MEAF6: variants seen among roughly 807,000 people sequenced by gnomAD.
MEAF6 encodes the protein MYST/Esa1 associated factor 6, also known as chromatin modification-related protein MEAF6.
Under a neutral mutation model 28.9 loss-of-function variants are expected in MEAF6, and 15 were observed. That is an observed-to-expected ratio of 0.52 (90% CI 0.35 to 0.80). MEAF6 has a LOEUF of 0.80. MEAF6 is among the 30% of genes least tolerant of loss of function. The probability of loss-of-function intolerance (pLI) is 0.01; values close to 1 mark genes in which losing one functional copy is unlikely to be tolerated. For missense variants in MEAF6, 178 were observed against 237.5 expected, an observed-to-expected ratio of 0.75 and a Z score of 1.65; for synonymous variants, 97 against 88.7, an observed-to-expected ratio of 1.09 and a Z score of -0.53.
chr1:37,509,200 C>T, intron 4 of MEAF6, 78 bp downstream of exon 4: 3 of 1,280,902 alleles, frequency 2.3e-6, no homozygotes, highest in South Asian at 1.2e-5. Context: ...TCCTCAGATA[C>T]ACAATTGGAT....
chr1:37,500,566 A>T (rs1483670473), intron 5 of MEAF6, among the ~76,000 whole-genome samples: 1 of 152,208 alleles, frequency 6.6e-6, no homozygotes, highest in African/African-American at 2.4e-5. Context: ...AATGTTAAGC[A>T]GCAGTCCTCA....
At chr1:37,505,504 G>A (rs960235420) in intron 4 of MEAF6, among the ~76,000 whole-genome samples, 1 of 152,104 alleles carries the variant, frequency 6.6e-6, no homozygotes, top group Non-Finnish European at 1.5e-5. Context: ...TTTGTTCTTA[G>A]CTCATCAGCT....
At chr1:37,500,415 G>A (rs971881474) in intron 5 of MEAF6, among the ~76,000 whole-genome samples, 1 of 152,108 alleles carries the variant, frequency 6.6e-6, no homozygotes, top group Non-Finnish European at 1.5e-5. Flanking sequence ...TCTGTTATTC[G>A]TGATAAGCTA....
At chr1:37,494,515 CAAAAA>C (rs35851858) in intron 6 of MEAF6, among the ~76,000 whole-genome samples, 2 of 82,248 alleles carry the variant, frequency 2.4e-5, no homozygotes, top group Admixed American at 1.5e-4. Flanking sequence ...AACTCTGTTT[CAAAAA>C]AAAAAAAAAA....
chr1:37,493,753 C>A lies in MEAF6; in HGVS notation c.*346G>T, dbSNP rs776792685. ...TTCAGCATAAAACAAAACCAGAGAACATTTCTTGAAGGGTATCACAGATGA... is the reference window on the plus strand; with the variant it reads ...TTCAGCATAAAACAAAACCAGAGAAAATTTCTTGAAGGGTATCACAGATGA... On this transcript the variant is annotated 3_prime_UTR_variant, in exon 7 of 7. Transcript: ENST00000296214. The A allele has an allele frequency of 1.3e-6, 2 of 1,543,396 alleles. No homozygotes were observed. Among genetic ancestry groups the A allele is most frequent in the East Asian group, 4.9e-5 (2 of 40,864 alleles).
rs1641980484 is a variant in MEAF6 at position 37,492,760 on chromosome 1, A to T, written c.*1339T>A. 1.3e-5 allele frequency: 2 copies of T among 152,632 alleles called. No homozygotes were observed. The allele number at this position is 152,632 out of a possible 1,614,324, so 9.5% of individuals were successfully genotyped here. ...GACTATGACTAACTAGAGTGAAAGG[A>T]AAGGTTAGACCCCAAATCTTATCCC... On this transcript the variant is annotated 3_prime_UTR_variant, in exon 7 of 7. Transcript: ENST00000296214.
rs561668152 is a variant in MEAF6, at chr1:37,490,003, A to G, written c.*4096T>C. 6.6e-6 allele frequency among the ~76,000 whole-genome samples: 1 copy of G among 152,308 alleles called. No homozygotes were observed. Among genetic ancestry groups the G allele is most frequent in the African/African-American group, 2.4e-5 (1 of 41,572 alleles). ...ATTATCAGCAGTTTATTGTGGTTCA[A>G]CCTTTTATTTATAAATTAATGACCT... On this transcript the variant is annotated 3_prime_UTR_variant, in exon 7 of 7. Coordinates refer to ENST00000296214, the MANE Select transcript of MEAF6 (RefSeq NM_001270875.3).
At chr1:37,495,802 C>T in intron 6 of MEAF6, 83 bp downstream of exon 6, 1 of 1,343,460 alleles carries the variant, frequency 7.4e-7, no homozygotes, top group Non-Finnish European at 1.1e-6. Flanking sequence ...AGGTTAGGAA[C>T]ACTCAAGCTC....
At chr1:37,505,205 C>G (rs115585001) in intron 4 of MEAF6, among the ~76,000 whole-genome samples, 226 of 152,206 alleles carry the variant, frequency 1.5e-3, no homozygotes, top group African/African-American at 5.4e-3. Context: ...TTTCTATGGT[C>G]TTCATATTAT....
intron 2 of MEAF6, among the ~76,000 whole-genome samples, chr1:37,512,786 G>C (rs550745517): frequency 6.6e-6 from 1 of 152,328 alleles, no homozygotes; most frequent in African/African-American, 2.4e-5. Context: ...CAGCTAATTG[G>C]GAGGCTGAGG....
chr1:37,500,492 T>C (rs951800691), intron 5 of MEAF6, among the ~76,000 whole-genome samples: 1 of 152,210 alleles, frequency 6.6e-6, no homozygotes, highest in East Asian at 1.9e-4. Context: ...GAGGTAGATA[T>C]ACAATTTTTG....
intron 4 of MEAF6, among the ~76,000 whole-genome samples, chr1:37,507,211 T>C (rs181492625): frequency 6.6e-6 from 1 of 152,070 alleles, no homozygotes; most frequent in Non-Finnish European, 1.5e-5. Context: ...TCCCAGCTAC[T>C]TGGGAGGCTG....
At chr1:37,513,397 G>A (rs1342468489) in intron 2 of MEAF6, 26 bp downstream of exon 2, 2 of 1,574,002 alleles carry the variant, frequency 1.3e-6, no homozygotes, top group Non-Finnish European at 1.7e-6. Context: ...GGCACAATAG[G>A]AACACTACAG....
At chr1:37,508,155 T>G (rs1413412927) in intron 4 of MEAF6, among the ~76,000 whole-genome samples, 8 of 152,116 alleles carry the variant, frequency 5.3e-5, no homozygotes, top group African/African-American at 1.9e-4. Flanking sequence ...CCCTGGAAAT[T>G]AGACTGTATG....
chr1:37,508,457 T>C (rs1174322860), intron 4 of MEAF6, among the ~76,000 whole-genome samples: 1 of 151,956 alleles, frequency 6.6e-6, no homozygotes, highest in African/African-American at 2.4e-5. Context: ...TTTTTAATTT[T>C]TTGTAGAGAC....
chr1:37,499,621 G>A (rs1642232060), intron 5 of MEAF6, among the ~76,000 whole-genome samples: 1 of 152,176 alleles, frequency 6.6e-6, no homozygotes, highest in Non-Finnish European at 1.5e-5. Flanking sequence ...AGATCAGCCA[G>A]ATATTAAATC....
chr1:37,514,631 G>T (rs749260746), intron 1 of MEAF6, 26 bp downstream of exon 1: 4 of 1,487,496 alleles, frequency 2.7e-6, no homozygotes, highest in Non-Finnish European at 3.6e-6. Context: ...GCCCCATGCC[G>T]TGCAACCCCT....
intron 4 of MEAF6, among the ~76,000 whole-genome samples, chr1:37,503,479 T>A (rs535707719): frequency 3.3e-5 from 5 of 151,520 alleles, no homozygotes; most frequent in Admixed American, 1.3e-4. Context: ...AGCCAGACCC[T>A]CATCTCTATA....
chr1:37,510,208 C>T (rs1003070447), intron 2 of MEAF6, among the ~76,000 whole-genome samples: 1 of 151,126 alleles, frequency 6.6e-6, no homozygotes, highest in Non-Finnish European at 1.5e-5. Flanking sequence ...TCCAGAGTAG[C>T]CTGGGATTAC....
Sources: allele counts gnomAD v4.1 joint callset (sites outside exome capture counted in the v4.1 genomes callset), GRCh38; gene constraint gnomAD v4.1.1; transcripts MANE v1.5; gene names NCBI Gene and HGNC (gene_info 2026-07-23, HGNC 2026-07-21).